The following ZNF395 variants were observed in gnomAD, a reference collection of about 807,000 sequenced individuals.
ZNF395 encodes zinc finger protein 395.
Under a neutral mutation model 57.7 loss-of-function variants are expected in ZNF395, and 20 were observed. That is an observed-to-expected ratio of 0.35 (90% CI 0.24 to 0.50). ZNF395 has a LOEUF of 0.50. ZNF395 is among the 20% of genes least tolerant of loss of function. The pLI is 0.97. For synonymous variants in ZNF395, 295 were observed against 275.9 expected, an observed-to-expected ratio of 1.07 and a Z score of -0.69; for missense variants, 606 against 671.2, an observed-to-expected ratio of 0.90 and a Z score of 1.07.
At chr8:28,365,746 G>A (rs556072910) in intron 1 of ZNF395, among the ~76,000 whole-genome samples, 5 of 152,276 alleles carry the variant, frequency 3.3e-5, no homozygotes, top group African/African-American at 1.2e-4. Flanking sequence ...TTCAGTCCAT[G>A]TCCAAAAGGA....
chr8:28,353,247 G>T lies in ZNF395; in HGVS notation c.745C>A (p.Pro249Thr). Reference sequence around the variant, plus strand: ...GTCTCAAAGCCATGATCAGTTTGGGGAGAACCAAAAGCATCCCCCAAATAC... The same window carrying T: ...GTCTCAAAGCCATGATCAGTTTGGGTAGAACCAAAAGCATCCCCCAAATAC... ...PKYLGDAFGSPQTDHGFETDP... is the reference protein window; with the variant it reads ...PKYLGDAFGSTQTDHGFETDP... The change falls in exon 5 of 10, where the codon CCC (proline) becomes ACC (threonine). Residue 249 changes from proline (P) to threonine (T), a missense_variant. Pro to Thr is a conservative substitution (Grantham distance 38). This residue lies in a region of ZNF395 where 309 missense variants were observed against 374.7 expected (regional missense o/e 0.82). Transcript: ENST00000344423. 6.6e-7 allele frequency: 1 copy of T among 1,514,148 alleles called. No homozygotes were observed. Among genetic ancestry groups the T allele is most frequent in the Non-Finnish European group, 8.9e-7 (1 of 1,119,768 alleles). 93.8% of individuals were successfully genotyped at this position (1,514,148 alleles called of 1,614,324 possible).
intron 4 of ZNF395, among the ~76,000 whole-genome samples, chr8:28,355,358 T>C (rs1456150859): frequency 6.6e-6 from 1 of 152,090 alleles, no homozygotes. Context: ...TACTTCAAGA[T>C]AATTAGGCCA....
At chr8:28,368,838 C>T (rs930035838) in intron 1 of ZNF395, among the ~76,000 whole-genome samples, 5 of 152,018 alleles carry the variant, frequency 3.3e-5, no homozygotes, top group African/African-American at 1.2e-4. Context: ...ACTTTCTTTT[C>T]TTTCTCTTTT....
chr8:28,375,112 A>C (rs979758122), intron 1 of ZNF395: 3 of 152,336 alleles, frequency 2.0e-5, no homozygotes, highest in African/African-American at 7.2e-5. Context: ...TTGGCTGTGC[A>C]CAGGTAGCTC....
intron 3 of ZNF395, among the ~76,000 whole-genome samples, chr8:28,357,453 G>A (rs892286105): frequency 6.6e-6 from 1 of 152,178 alleles, no homozygotes; most frequent in Non-Finnish European, 1.5e-5. Flanking sequence ...TTAAAAATCC[G>A]TATATCACTA....
chr8:28,348,836 G>A lies in ZNF395; in HGVS notation c.1431-6C>T. 1 of 1,613,630 alleles carries A rather than the reference G, an allele frequency of 6.2e-7. No homozygotes were observed. On this transcript the variant is annotated splice_region_variant and splice_polypyrimidine_tract_variant and intron_variant, in intron 9 of 9. Transcript: ENST00000344423. ...TAGCCTCCCCTCGGGCTTTCCTGCAGAAAGAGAGGAATGCAAATCGAGCCC... is the reference window on the plus strand; with the variant it reads ...TAGCCTCCCCTCGGGCTTTCCTGCAAAAAGAGAGGAATGCAAATCGAGCCC...
At chr8:28,381,065 G>A (rs369398719) in intron 1 of ZNF395, among the ~76,000 whole-genome samples, 14 of 136,486 alleles carry the variant, frequency 1.0e-4, no homozygotes, top group African/African-American at 1.9e-4. Flanking sequence ...GTGTTTTGAC[G>A]GAGTCTCGCT....
chr8:28,373,197 G>C (rs910216960), intron 1 of ZNF395, among the ~76,000 whole-genome samples: 1 of 152,200 alleles, frequency 6.6e-6, no homozygotes, highest in African/African-American at 2.4e-5. Context: ...AGGGGCCTCT[G>C]CCTCTCCCCA....
At chr8:28,365,980 C>T (rs145582850) in intron 1 of ZNF395, among the ~76,000 whole-genome samples, 5 of 152,338 alleles carry the variant, frequency 3.3e-5, no homozygotes, top group Admixed American at 1.3e-4. Context: ...CACACACACA[C>T]GCACGGTGGC....
chr8:28,360,474 A>G (rs1413086712), intron 2 of ZNF395, among the ~76,000 whole-genome samples: 4 of 152,242 alleles, frequency 2.6e-5, no homozygotes, highest in African/African-American at 7.2e-5. Flanking sequence ...CCAACTACAC[A>G]AACATCTCTG....
Position 28,359,733 on chromosome 8 carries a change from T to G in ZNF395, c.332A>C (p.Gln111Pro). The G allele has an allele frequency of 6.2e-7, 1 of 1,614,136 alleles. No individual in the cohort carries two copies. The highest frequency in any genetic ancestry group is 1.1e-5 in the South Asian group (1 of 91,080). The part of the protein sequence containing the change: ...EGQVTVWLLE[Q>P]KLQVCCRVEE... ...CACCCTGCAGCAGACCTGCAGCTTCTGCTCCAGCAGCCAGACGGTCACCTG... is the reference window on the plus strand; with the variant it reads ...CACCCTGCAGCAGACCTGCAGCTTCGGCTCCAGCAGCCAGACGGTCACCTG... The change falls in exon 3 of 10, where the codon CAG becomes CCG. Residue 111 changes from glutamine to proline, a missense_variant. Around this residue, in one of 3 missense-constraint regions of ZNF395, gnomAD observed 309 missense variants for 374.7 expected, o/e 0.82. Transcript: ENST00000344423. This position sits in a 1 kb window ranked among gnomAD's most constrained non-coding sequence, Gnocchi z 4.7.
At chr8:28,350,568 A>G (rs1028044341) in intron 7 of ZNF395, among the ~76,000 whole-genome samples, 1 of 152,232 alleles carries the variant, frequency 6.6e-6, no homozygotes, top group African/African-American at 2.4e-5. Flanking sequence ...TGAGAGTAGT[A>G]GTGTGCTCAT....
chr8:28,368,156 G>C (rs1341442666), intron 1 of ZNF395, among the ~76,000 whole-genome samples: 1 of 152,108 alleles, frequency 6.6e-6, no homozygotes, highest in Non-Finnish European at 1.5e-5. Context: ...TTGCTGACTT[G>C]GCATTTTACC....
intron 7 of ZNF395, 57 bp downstream of exon 7, chr8:28,351,438 G>T: frequency 6.6e-7 from 1 of 1,508,918 alleles, no homozygotes; most frequent in South Asian, 1.3e-5. Context: ...CTGTAATCAA[G>T]CTGGCCCGTG....
At chr8:28,374,514 T>A (rs948607486) in intron 1 of ZNF395, among the ~76,000 whole-genome samples, 1 of 152,200 alleles carries the variant, frequency 6.6e-6, no homozygotes, top group African/African-American at 2.4e-5. Flanking sequence ...GTTCAATGCA[T>A]TTCAATAATA....
chr8:28,378,911 T>C (rs974826523), intron 1 of ZNF395, among the ~76,000 whole-genome samples: 1 of 152,240 alleles, frequency 6.6e-6, no homozygotes. Context: ...CTTTTTCATA[T>C]TGAACTGAAA....
rs1801590114 is a variant in ZNF395, at chr8:28,345,611, T to C, written c.*3108A>G. On this transcript the variant is annotated 3_prime_UTR_variant, in exon 10 of 10. Coordinates refer to ENST00000344423, the MANE Select transcript of ZNF395 (RefSeq NM_018660.3). Reference sequence around the variant, plus strand: ...TAAATCAGACAAGGTACCATTTTATTCCTTATAAAATATATTTCATATTGT... The same window carrying C: ...TAAATCAGACAAGGTACCATTTTATCCCTTATAAAATATATTTCATATTGT... 1 of 152,628 alleles carries C rather than the reference T, an allele frequency of 6.6e-6. No homozygotes were observed. Among genetic ancestry groups the C allele is most frequent in the Non-Finnish European group, 1.5e-5 (1 of 68,038 alleles). The allele number at this position is 152,628 out of a possible 1,614,324, so 9.5% of individuals were successfully genotyped here.
rs1309170465 is a variant in ZNF395 at position 28,367,012 on chromosome 8, T to TA, written c.-58-5831dup. ...TTTTAAGAGGGGTGTGGTGTGTACT[T>TA]AGGATTTTCACAGTACAAGCTTCAG... is the stretch of plus-strand genomic sequence containing the variant. On this transcript the variant is annotated intron_variant, in intron 1 of 9. Transcript: ENST00000344423. Among the ~76,000 whole-genome samples, 4 of 151,782 alleles carry TA rather than the reference T, an allele frequency of 2.6e-5. No homozygotes were observed. In the East Asian group the frequency reaches 7.7e-4, roughly 29 times the overall value.
rs1010156491 is a variant in ZNF395 at position 28,360,972 on chromosome 8, G to A, written c.153C>T (p.Asp51=). Reference sequence around the variant, plus strand: ...CCTTGGGCTGCTCCTGGCAGGGGGTGTCATCAGAGGTGGTGAAAGGCTGGG... The same window carrying A: ...CCTTGGGCTGCTCCTGGCAGGGGGTATCATCAGAGGTGGTGAAAGGCTGGG... ...AAPQPFTTSD[D]TPCQEQPKEV... The change falls in exon 2 of 10, where the codon GAC becomes GAT. Residue 51 remains aspartate, a synonymous_variant. Coordinates refer to ENST00000344423, the MANE Select transcript of ZNF395 (RefSeq NM_018660.3). 1.9e-6 allele frequency: 3 copies of A among 1,613,090 alleles called. No individual in the cohort carries two copies. Among genetic ancestry groups the A allele is most frequent in the Non-Finnish European group, 2.5e-6 (3 of 1,179,538 alleles).
Sources: gnomAD v4.1 joint callset for allele counts (sites outside exome capture counted in the v4.1 genomes callset) on GRCh38, gnomAD v4.1.1 for gene constraint, gnomAD v4.1.1 regional missense constraint, Gnocchi (gnomAD v3.1) non-coding constraint, MANE v1.5 for transcripts, NCBI Gene and HGNC (gene_info 2026-07-23, HGNC 2026-07-21) for gene names.